The following VPS33B variants were observed in gnomAD, a reference collection of about 807,000 sequenced individuals.
VPS33B encodes the protein VPS33B late endosome and lysosome associated.
A neutral mutation model predicts 95.3 loss-of-function variants in VPS33B; 80 were observed. The observed-to-expected ratio is 0.84, with a 90% CI of 0.70 to 1.01. The LOEUF is 1.01. Among genes scored for constraint, VPS33B ranks in the 50% least tolerant of loss-of-function variants. The pLI is 0.00. For missense variants in VPS33B, 715 were observed against 773.4 expected, an observed-to-expected ratio of 0.92 and a Z score of 0.90; for synonymous variants, 280 against 280.4, an observed-to-expected ratio of 1.00 and a Z score of 0.01.
rs1406018172 is a variant in VPS33B, at chr15:91,005,148, C to T, written c.1106-29G>A. The stretch of plus-strand genomic sequence containing the variant: ...TGAGTAATCAGAGGAGAGCCTGTTA[C>T]TGGGGGCCAGCTCAGCTGCTGCCAT... On this transcript the variant is annotated intron_variant, in intron 14 of 22. Transcript: ENST00000333371. The surrounding 1 kb of genome is among the most constrained non-coding windows in gnomAD (Gnocchi z 6.4). 3 of 1,614,004 alleles carry T rather than the reference C, an allele frequency of 1.9e-6. No individual in the cohort carries two copies. Among genetic ancestry groups the T allele is most frequent in the East Asian group, 2.2e-5 (1 of 44,890 alleles).
At chr15:91,021,870 C>G (rs1036492286) in intron 1 of VPS33B, among the ~76,000 whole-genome samples, 2 of 152,312 alleles carry the variant, frequency 1.3e-5, no homozygotes, top group Admixed American at 1.3e-4. Flanking sequence ...GGTAAGATCC[C>G]TAATGGCAAA....
Position 91,022,356 on chromosome 15 carries a change from G to A in VPS33B, c.-107C>T, listed in dbSNP as rs924685943. 3 of 1,107,424 alleles carry A rather than the reference G, an allele frequency of 2.7e-6. No individual in the cohort carries two copies. Among genetic ancestry groups the A allele is most frequent in the African/African-American group, 1.6e-5 (1 of 63,142 alleles). 68.6% of individuals were successfully genotyped at this position (1,107,424 alleles called of 1,614,324 possible). ...GGGCTATCCTTCAGGCCTGGGCACC[G>A]ACTTCCAGAGACCCCAGATGGGCCC... On this transcript the variant is annotated 5_prime_UTR_variant, in exon 1 of 23. Coordinates refer to ENST00000333371, the MANE Select transcript of VPS33B (RefSeq NM_018668.5).
In VPS33B at chr15:91,006,134, G is replaced by C; in HGVS notation, c.853-75C>G. 1 of 1,520,514 alleles carries C rather than the reference G, an allele frequency of 6.6e-7. No homozygotes were observed. The highest frequency in any genetic ancestry group is 1.1e-5 in the South Asian group (1 of 87,698). 94.2% of individuals were successfully genotyped at this position (1,520,514 alleles called of 1,614,324 possible). On this transcript the variant is annotated intron_variant, in intron 11 of 22. Transcript: ENST00000333371. The surrounding 1 kb of genome is among the most constrained non-coding windows in gnomAD (Gnocchi z 5.4). ...TAGCAGTAGAATGACAGTACAGGAA[G>C]GGTACTCAGGTGTTCTGGCAGAAAT...
At chr15:91,016,795 A>G (rs78153571) in intron 3 of VPS33B, among the ~76,000 whole-genome samples, 168 bp downstream of exon 3, 5,064 of 152,330 alleles carry the variant, frequency 0.033, 98 homozygotes, top group Non-Finnish European at 0.046. Flanking sequence ...AACCACAGAA[A>G]GGAAACTACA....
At position 90,999,138 on chromosome 15, in the gene VPS33B, G is replaced by C; in HGVS notation, c.1775-84C>G. On this transcript the variant is annotated intron_variant, in intron 22 of 22. Coordinates refer to ENST00000333371, the MANE Select transcript of VPS33B (RefSeq NM_018668.5). This position sits in a 1 kb window ranked among gnomAD's most constrained non-coding sequence, Gnocchi z 5.1. ...CCCATAGAGCCTCTCCAGTTCCACAGTCCCCACGGGATCACAGCACCAGTT... is the reference window on the plus strand; with the variant it reads ...CCCATAGAGCCTCTCCAGTTCCACACTCCCCACGGGATCACAGCACCAGTT... The C allele has an allele frequency of 8.0e-7, 1 of 1,255,552 alleles. No homozygotes were observed. Among genetic ancestry groups the C allele is most frequent in the Non-Finnish European group, 1.2e-6 (1 of 866,808 alleles). 77.8% of individuals were successfully genotyped at this position (1,255,552 alleles called of 1,614,324 possible). A position where few individuals can be genotyped will look rare whatever the true frequency, so the allele number is the denominator to read the frequency against.
At chr15:91,019,763 G>T (rs540846323) in intron 1 of VPS33B, among the ~76,000 whole-genome samples, 1 of 152,026 alleles carries the variant, frequency 6.6e-6, no homozygotes, top group Admixed American at 6.6e-5. Flanking sequence ...GGCTGGTGGT[G>T]GTGTGAGCAA....
At position 91,005,107 on chromosome 15, in the gene VPS33B, C is replaced by G. The variant is rs1446362861; in HGVS notation, c.1118G>C (p.Gly373Ala). 6.2e-7 allele frequency: 1 copy of G among 1,614,062 alleles called. No individual in the cohort carries two copies. The highest frequency in any genetic ancestry group is 8.5e-7 in the Non-Finnish European group (1 of 1,180,054). ...GCTGGTGCTCTCCCGGATGTTGAAC[C>G]CCTCTAGCAGTGCTGTGAGTAATCA... is the stretch of plus-strand genomic sequence containing the variant. ...LIKTEHALLE[G>A]FNIRESTSYI... is the part of the protein sequence containing the mutation. The change falls in exon 15 of 23, where the codon GGG becomes GCG. Residue 373 changes from glycine (G) to alanine (A), a missense_variant. Physicochemically the swap from Gly to Ala is moderately conservative, Grantham distance 60. Transcript: ENST00000333371. The surrounding 1 kb of genome is among the most constrained non-coding windows in gnomAD (Gnocchi z 6.4).
rs1373450297 is a variant in VPS33B at position 91,007,997 on chromosome 15, G to A, written c.404-33C>T. The A allele has an allele frequency of 6.2e-7, 1 of 1,604,486 alleles. No homozygotes were observed. ...GACAGAGAGCATCAGCCTCCCTGCA[G>A]AAGGTACTTAGCTCCACGTTAAGAG... On this transcript the variant is annotated intron_variant, in intron 6 of 22. Transcript: ENST00000333371. This position sits in a 1 kb window ranked among gnomAD's most constrained non-coding sequence, Gnocchi z 5.3.
rs2040609503 is a variant in VPS33B at position 91,006,520 on chromosome 15, G to A, written c.779-75C>T. ...TACCATTCCCTGAACTGCCATAAAGGTCCTCAAACTATTTGGAAGCCAGCA... is the reference window on the plus strand; with the variant it reads ...TACCATTCCCTGAACTGCCATAAAGATCCTCAAACTATTTGGAAGCCAGCA... On this transcript the variant is annotated intron_variant, in intron 10 of 22. Transcript: ENST00000333371. This position sits in a 1 kb window ranked among gnomAD's most constrained non-coding sequence, Gnocchi z 5.4. 1 of 1,609,934 alleles carries A rather than the reference G, an allele frequency of 6.2e-7. No homozygotes were observed.
chr15:90,999,286 A>G lies in VPS33B; in HGVS notation c.1775-232T>C, dbSNP rs112565972. The G allele has an allele frequency of 7.5e-3, 4,496 of 598,774 alleles. 165 individuals are homozygous for G. In the African/African-American group the frequency reaches 0.076, roughly 10 times the overall value. 37.1% of individuals were successfully genotyped at this position (598,774 alleles called of 1,614,324 possible). ...TGGCAAGTTGTATTCTGAGGCCAGG[A>G]GAAAAATATTCCTGTGCAGGACACT... On this transcript the variant is annotated intron_variant, in intron 22 of 22. Transcript: ENST00000333371. This position sits in a 1 kb window ranked among gnomAD's most constrained non-coding sequence, Gnocchi z 5.1.
chr15:91,003,533 G>A lies in VPS33B; in HGVS notation c.1226-402C>T, dbSNP rs1038535020. ...TGGCTCACTGCAACCTCCGCCTCCCGGGTTCAAGCCATTCTCCTGCCTCAG... is the reference window on the plus strand; with the variant it reads ...TGGCTCACTGCAACCTCCGCCTCCCAGGTTCAAGCCATTCTCCTGCCTCAG... On this transcript the variant is annotated intron_variant, in intron 16 of 22. Transcript: ENST00000333371. Among the ~76,000 whole-genome samples the A allele has an allele frequency of 3.9e-5, 6 of 152,206 alleles. 1 individual carries two copies. Among genetic ancestry groups the A allele is most frequent in the African/African-American group, 1.4e-4 (6 of 41,524 alleles).
At position 91,015,050 on chromosome 15, in the gene VPS33B, C is replaced by A. The variant is rs8023961; in HGVS notation, c.240-617G>T. 0.14 allele frequency among the ~76,000 whole-genome samples: 18,674 copies of A among 132,802 alleles called. 1,670 individuals carry two copies. The highest frequency in any genetic ancestry group is 0.25 in the African/African-American group (8,703 of 34,810). The allele number at this position is 132,802 out of a possible 152,430, so 87.1% of individuals were successfully genotyped here. A position where few individuals can be genotyped will look rare whatever the true frequency, so the allele number is the denominator to read the frequency against. On this transcript the variant is annotated intron_variant, in intron 3 of 22. Coordinates refer to ENST00000333371, the MANE Select transcript of VPS33B (RefSeq NM_018668.5). The surrounding 1 kb of genome is among the most constrained non-coding windows in gnomAD (Gnocchi z 4.7). ...ACCCCGTCTCTACTAAAAATACAAA[C>A]ATTGGCTGGGCATGGTGGCTCACAC... is the stretch of plus-strand genomic sequence containing the variant.
chr15:91,003,903 A>G (rs971211947), intron 16 of VPS33B, among the ~76,000 whole-genome samples: 2 of 152,244 alleles, frequency 1.3e-5, no homozygotes, highest in Non-Finnish European at 2.9e-5. Context: ...AATGAGATTT[A>G]GAATAAGCAA....
In VPS33B at chr15:91,013,024, T is replaced by C. The variant is rs550937343; in HGVS notation, c.357+780A>G. ...CAGCCCAGCCACATCCTTATAAGCA[T>C]AGCGGATGGGAAGAGGGAGGGTGAT... On this transcript the variant is annotated intron_variant, in intron 5 of 22. Coordinates refer to ENST00000333371, the MANE Select transcript of VPS33B (RefSeq NM_018668.5). The surrounding 1 kb of genome is among the most constrained non-coding windows in gnomAD (Gnocchi z 4.5). Among the ~76,000 whole-genome samples the C allele has an allele frequency of 5.3e-5, 8 of 152,280 alleles. No individual in the cohort carries two copies. Among genetic ancestry groups the C allele is most frequent in the Middle Eastern group, 3.4e-3 (1 of 294 alleles).
At chr15:91,017,087 C>T (rs1164664350) in intron 2 of VPS33B, 63 bp from the exon 3 acceptor site, 19 of 1,511,014 alleles carry the variant, frequency 1.3e-5, no homozygotes, top group Admixed American at 1.7e-5. Flanking sequence ...AAGTGTGACA[C>T]GAAGATAGGG....
rs758259506 is a variant in VPS33B, at chr15:90,999,807, A to T, written c.1658-14T>A. On this transcript the variant is annotated splice_polypyrimidine_tract_variant and intron_variant, in intron 21 of 22. Coordinates refer to ENST00000333371, the MANE Select transcript of VPS33B (RefSeq NM_018668.5). The surrounding 1 kb of genome is among the most constrained non-coding windows in gnomAD (Gnocchi z 5.1). Reference sequence around the variant, plus strand: ...CCTTAGTCATATCTGTGAGGATCAGACCAGATTCAGCCCTTCCCTGACATG... The same window carrying T: ...CCTTAGTCATATCTGTGAGGATCAGTCCAGATTCAGCCCTTCCCTGACATG... 6.2e-7 allele frequency: 1 copy of T among 1,614,050 alleles called. No individual in the cohort carries two copies. The highest frequency in any genetic ancestry group is 1.1e-5 in the South Asian group (1 of 91,070).
At chr15:91,003,858 T>A (rs1449285818) in intron 16 of VPS33B, among the ~76,000 whole-genome samples, 2 of 152,218 alleles carry the variant, frequency 1.3e-5, no homozygotes, top group Non-Finnish European at 2.9e-5. Flanking sequence ...TTTTTCTCCA[T>A]AGAGGTAATA....
In VPS33B at chr15:91,000,431, G is replaced by A. The variant is rs963515746; in HGVS notation, c.1581+59C>T. 8 of 1,501,998 alleles carry A rather than the reference G, an allele frequency of 5.3e-6. No homozygotes were observed. Among genetic ancestry groups the A allele is most frequent in the Non-Finnish European group, 7.3e-6 (8 of 1,088,968 alleles). The allele number at this position is 1,501,998 out of a possible 1,614,324, so 93.0% of individuals were successfully genotyped here. A position where few individuals can be genotyped will look rare whatever the true frequency, so the allele number is the denominator to read the frequency against. Reference sequence around the variant, plus strand: ...AAAAAAAACATTGAGACACGCCAGGGACCAAGAGAAAGCAGAGAGAATGAA... The same window carrying A: ...AAAAAAAACATTGAGACACGCCAGGAACCAAGAGAAAGCAGAGAGAATGAA... On this transcript the variant is annotated intron_variant, in intron 20 of 22. Coordinates refer to ENST00000333371, the MANE Select transcript of VPS33B (RefSeq NM_018668.5). The surrounding 1 kb of genome is among the most constrained non-coding windows in gnomAD (Gnocchi z 4.9).
Position 90,999,671 on chromosome 15 carries a change from T to C in VPS33B, c.1774+6A>G. ...GGCCAATTCTCACCTTTCTGCTCTC[T>C]CTTACCTTTCTCTCTGCCCAGGAAC... is the stretch of plus-strand genomic sequence containing the variant. On this transcript the variant is annotated splice_donor_region_variant and intron_variant, in intron 22 of 22. Coordinates refer to ENST00000333371, the MANE Select transcript of VPS33B (RefSeq NM_018668.5). This position sits in a 1 kb window ranked among gnomAD's most constrained non-coding sequence, Gnocchi z 5.1. The C allele has an allele frequency of 6.2e-7, 1 of 1,613,984 alleles. No homozygotes were observed. The highest frequency in any genetic ancestry group is 1.1e-5 in the South Asian group (1 of 91,074).
Sources: allele counts gnomAD v4.1 joint callset (sites outside exome capture counted in the v4.1 genomes callset), GRCh38; gene constraint gnomAD v4.1.1; non-coding constraint Gnocchi (gnomAD v3.1); transcripts MANE v1.5; gene names NCBI Gene and HGNC (gene_info 2026-07-23, HGNC 2026-07-21).